Variants in ARGFX observed in about 807,000 individuals in gnomAD.
ARGFX encodes the protein arginine-fifty homeobox.
In ARGFX, 10 loss-of-function variants were observed where a neutral mutation model predicts 8.0. That is an observed-to-expected ratio of 1.25 (90% confidence interval 0.77 to 2.12). The LOEUF (loss-of-function observed/expected upper bound fraction) is 2.12, where lower values mean the gene tolerates loss of function less well. ARGFX is among the 30% of genes most tolerant of loss of function. ARGFX has a pLI of 0.00. For missense variants in ARGFX, 282 were observed against 324.3 expected, an observed-to-expected ratio of 0.87 and a Z score of 1.00; for synonymous variants, 116 against 117.8, an observed-to-expected ratio of 0.98 and a Z score of 0.10.
At position 121,567,988 on chromosome 3, in the gene ARGFX, G is replaced by C. The variant is rs1423947413; in HGVS notation, c.-38G>C. ...AGACACACCACGTAGGACTGAAAAT[G>C]GTTACTCTAAGGGGATTCGTGACAG... On this transcript the variant is annotated 5_prime_UTR_variant, in exon 1 of 5. It removes an upstream start codon present in the reference 5' UTR. Coordinates refer to ENST00000334384, the MANE Select transcript of ARGFX (RefSeq NM_001012659.2). Among the ~76,000 whole-genome samples, 1 of 152,096 alleles carries C rather than the reference G, an allele frequency of 6.6e-6. No homozygotes were observed. Among genetic ancestry groups the C allele is most frequent in the Non-Finnish European group, 1.5e-5 (1 of 68,030 alleles).
rs1380252644 is a variant in ARGFX, at chr3:121,586,119, C to T, written c.467C>T (p.Pro156Leu). 5.0e-6 allele frequency: 8 copies of T among 1,612,106 alleles called. No homozygotes were observed. The highest frequency in any genetic ancestry group is 6.8e-6 in the Non-Finnish European group (8 of 1,179,366). Residue 156 changes from proline to leucine, a missense_variant, in exon 5 of 5, where the codon CCC becomes CTC. By Grantham distance (98) the Pro-to-Leu change is moderately conservative. Transcript: ENST00000334384. ...ATCCTTCCATCCAAGAAGAATGTGCCCACCTCCCCCAGAACATCCCCCAGT... is the reference window on the plus strand; with the variant it reads ...ATCCTTCCATCCAAGAAGAATGTGCTCACCTCCCCCAGAACATCCCCCAGT... ...NQILPSKKNV[P>L]TSPRTSPSPY...
At chr3:121,573,354 G>C (rs549893927) in intron 2 of ARGFX, among the ~76,000 whole-genome samples, 25 of 151,868 alleles carry the variant, frequency 1.6e-4, no homozygotes, top group Non-Finnish European at 3.4e-4. Flanking sequence ...GGTGGCAGGC[G>C]CCTGTAATCT....
At chr3:121,584,807 G>A in intron 3 of ARGFX, 110 bp from the exon 4 acceptor site, 1 of 1,282,828 alleles carries the variant, frequency 7.8e-7, no homozygotes. Context: ...TTGGAGGAAA[G>A]GCATGAGAGA....
At chr3:121,568,950 G>A (rs544811263) in intron 1 of ARGFX, among the ~76,000 whole-genome samples, 14 of 152,152 alleles carry the variant, frequency 9.2e-5, no homozygotes, top group African/African-American at 3.1e-4. Context: ...AATTGTTAAG[G>A]ACTCCAAAGA....
intron 2 of ARGFX, among the ~76,000 whole-genome samples, chr3:121,571,286 A>G (rs1342741215): frequency 6.6e-6 from 1 of 152,128 alleles, no homozygotes; most frequent in African/African-American, 2.4e-5. Context: ...TTTATCCTGG[A>G]GATTTCCCAA....
At chr3:121,579,117 G>A (rs776304969) in intron 3 of ARGFX, among the ~76,000 whole-genome samples, 1 of 152,268 alleles carries the variant, frequency 6.6e-6, no homozygotes, top group Non-Finnish European at 1.5e-5. Flanking sequence ...GTTTTCAGAA[G>A]ACAGCATGTA....
At position 121,585,072 on chromosome 3, in the gene ARGFX, T is replaced by A. The variant is rs1339312861; in HGVS notation, c.369+7T>A. 2.5e-6 allele frequency: 4 copies of A among 1,613,456 alleles called. No individual in the cohort carries two copies. Among genetic ancestry groups the A allele is most frequent in the East Asian group, 2.2e-5 (1 of 44,858 alleles). On this transcript the variant is annotated splice_region_variant and intron_variant, in intron 4 of 4. Transcript: ENST00000334384. Reference sequence around the variant, plus strand: ...ACCGGAGTCAACAGTAAAGGTCTGATCCCCTGTGGTGTGCTTGGTACCCCC... The same window carrying A: ...ACCGGAGTCAACAGTAAAGGTCTGAACCCCTGTGGTGTGCTTGGTACCCCC...
chr3:121,574,954 T>C (rs75103219), intron 2 of ARGFX, among the ~76,000 whole-genome samples: 6,971 of 152,310 alleles, frequency 0.046, 238 homozygotes, highest in Non-Finnish European at 0.067. Context: ...CAAATGTATG[T>C]ACAAATTAGT....
At chr3:121,575,606 C>T (rs2048731579) in intron 2 of ARGFX, among the ~76,000 whole-genome samples, 1 of 152,060 alleles carries the variant, frequency 6.6e-6, no homozygotes, top group South Asian at 2.1e-4. Flanking sequence ...GTGTCACTCT[C>T]TGGCTCAATT....
Position 121,570,708 on chromosome 3 carries a change from G to A in ARGFX, c.-6G>A. The A allele has an allele frequency of 6.3e-7, 1 of 1,594,970 alleles. No homozygotes were observed. The highest frequency in any genetic ancestry group is 8.5e-7 in the Non-Finnish European group (1 of 1,171,110). ...CATAGGCCTTCCATCTCAGATTTCAGAAACCATGAGGAACAGAATGGCCCC... is the reference window on the plus strand; with the variant it reads ...CATAGGCCTTCCATCTCAGATTTCAAAAACCATGAGGAACAGAATGGCCCC... On this transcript the variant is annotated 5_prime_UTR_variant, in exon 2 of 5. Coordinates refer to ENST00000334384, the MANE Select transcript of ARGFX (RefSeq NM_001012659.2).
At position 121,586,335 on chromosome 3, in the gene ARGFX, T is replaced by G. The variant is rs1417235558; in HGVS notation, c.683T>G (p.Phe228Cys). The change falls in exon 5 of 5, where the codon TTC becomes TGC. Residue 228 changes from phenylalanine (F) to cysteine (C), a missense_variant. Phe to Cys is a radical substitution (Grantham distance 205, BLOSUM62 -2). Coordinates refer to ENST00000334384, the MANE Select transcript of ARGFX (RefSeq NM_001012659.2). ...PALYSDAYDI[F>C]QIIELYNLPD... Reference sequence around the variant, plus strand: ...TTGTACTCTGATGCCTATGACATATTCCAAATCATAGAACTGTACAATCTT... The same window carrying G: ...TTGTACTCTGATGCCTATGACATATGCCAAATCATAGAACTGTACAATCTT... 1 of 1,614,084 alleles carries G rather than the reference T, an allele frequency of 6.2e-7. No individual in the cohort carries two copies. The highest frequency in any genetic ancestry group is 1.3e-5 in the African/African-American group (1 of 74,930).
chr3:121,568,263 A>G (rs1236651246), intron 1 of ARGFX, among the ~76,000 whole-genome samples: 2 of 152,186 alleles, frequency 1.3e-5, no homozygotes, highest in East Asian at 3.8e-4. Context: ...CAGGGCTCCC[A>G]AACTTTCTCC....
Position 121,586,091 on chromosome 3 carries a change from C to A in ARGFX, c.439C>A (p.Gln147Lys), listed in dbSNP as rs1486305314. Residue 147 changes from glutamine (Q) to lysine (K), a missense_variant, in exon 5 of 5, where the codon CAG becomes AAG. By Grantham distance (53) the Gln-to-Lys change is moderately conservative (BLOSUM62 1). Coordinates refer to ENST00000334384, the MANE Select transcript of ARGFX (RefSeq NM_001012659.2). ...GCAGCAATCAGCAAAGCAACGAAAC[C>A]AGATCCTTCCATCCAAGAAGAATGT... ...QQQQSAKQRN[Q>K]ILPSKKNVPT... is the part of the protein sequence containing the mutation. 32 of 1,606,350 alleles carry A rather than the reference C, an allele frequency of 2.0e-5. No homozygotes were observed. The highest frequency in any genetic ancestry group is 2.6e-5 in the Non-Finnish European group (31 of 1,177,464).
chr3:121,586,616 A>G lies in ARGFX; in HGVS notation c.*16A>G. 2 of 1,574,176 alleles carry G rather than the reference A, an allele frequency of 1.3e-6. No individual in the cohort carries two copies. Among genetic ancestry groups the G allele is most frequent in the Non-Finnish European group, 1.7e-6 (2 of 1,159,004 alleles). On this transcript the variant is annotated 3_prime_UTR_variant, in exon 5 of 5. Transcript: ENST00000334384. Reference sequence around the variant, plus strand: ...ATTTCTCTGACCAGAGTACTAATAAATATAGATCATTTAGAAAAGTGGTCT... The same window carrying G: ...ATTTCTCTGACCAGAGTACTAATAAGTATAGATCATTTAGAAAAGTGGTCT...
chr3:121,572,501 C>T (rs2048715283), intron 2 of ARGFX, among the ~76,000 whole-genome samples: 2 of 150,456 alleles, frequency 1.3e-5, no homozygotes, highest in Non-Finnish European at 3.0e-5. Context: ...GCGCCTCGGC[C>T]TTCCAAAGTG....
rs2048818466 is a variant in ARGFX, at chr3:121,587,333, T to A, written c.*733T>A. Among the ~76,000 whole-genome samples, 1 of 152,042 alleles carries A rather than the reference T, an allele frequency of 6.6e-6. No homozygotes were observed. The highest frequency in any genetic ancestry group is 2.1e-4 in the South Asian group (1 of 4,812). On this transcript the variant is annotated 3_prime_UTR_variant, in exon 5 of 5. Coordinates refer to ENST00000334384, the MANE Select transcript of ARGFX (RefSeq NM_001012659.2). ...TCCCAAAGTGCTGGGATTACAGACA[T>A]GAGCCACCGAGCCTGGCCAATTTTT...
chr3:121,575,339 G>GA (rs1370780904), intron 2 of ARGFX, among the ~76,000 whole-genome samples: 1 of 151,474 alleles, frequency 6.6e-6, no homozygotes, highest in African/African-American at 2.4e-5. Flanking sequence ...AAAAGAAAAA[G>GA]AAAAAAATCT....
At position 121,586,192 on chromosome 3, in the gene ARGFX, A is replaced by C; in HGVS notation, c.540A>C (p.Pro180=). Residue 180 remains proline (P), a synonymous_variant, in exon 5 of 5, where the codon CCA becomes CCC. Transcript: ENST00000334384. ...PVISDFYSSL[P]SQPLDPSNWA... is the part of the protein sequence containing the mutation. ...TTTCAGATTTCTACAGCTCCCTTCCATCTCAGCCCTTAGACCCTTCCAATT... is the reference window on the plus strand; with the variant it reads ...TTTCAGATTTCTACAGCTCCCTTCCCTCTCAGCCCTTAGACCCTTCCAATT... 1 of 1,613,732 alleles carries C rather than the reference A, an allele frequency of 6.2e-7. No homozygotes were observed. The highest frequency in any genetic ancestry group is 1.1e-5 in the South Asian group (1 of 91,052).
At chr3:121,579,775 C>A (rs2048765797) in intron 3 of ARGFX, among the ~76,000 whole-genome samples, 1 of 152,036 alleles carries the variant, frequency 6.6e-6, no homozygotes, top group Non-Finnish European at 1.5e-5. Context: ...GCAGGAGGAT[C>A]CCTTGAGCCC....
Sources: gnomAD v4.1 joint callset for allele counts (sites outside exome capture counted in the v4.1 genomes callset) on GRCh38, gnomAD v4.1.1 for gene constraint, MANE v1.5 for transcripts, NCBI Gene and HGNC (gene_info 2026-07-23, HGNC 2026-07-21) for gene names.